RUNX2: variants seen among roughly 807,000 people sequenced by gnomAD.
RUNX2 encodes runt-related transcription factor 2.
A neutral mutation model predicts 51.7 loss-of-function variants in RUNX2; 10 were observed. That is an observed-to-expected ratio of 0.19 (90% confidence interval 0.12 to 0.33). RUNX2 has a LOEUF of 0.33. RUNX2 is among the 10% of genes least tolerant of loss of function. RUNX2 has a pLI of 1.00. For synonymous variants in RUNX2, 276 were observed against 273.6 expected (o/e 1.01, Z -0.09); for missense variants, 562 against 691.3 (o/e 0.81, Z 2.10).
chr6:45,426,693 AAC>A (rs1281841301), intron 3 of RUNX2, among the ~76,000 whole-genome samples: 6 of 152,246 alleles, frequency 3.9e-5, no homozygotes, highest in Non-Finnish European at 7.3e-5. Context: ...AAAGAAAGAA[AAC>A]ACATTTTTAG....
intron 2 of RUNX2, chr6:45,372,089 G>T: frequency 1.1e-6 from 1 of 911,962 alleles, no homozygotes. Flanking sequence ...AGTGAACTGT[G>T]TTGTGAAATA....
chr6:45,340,013 C>G (rs1302514967), intron 2 of RUNX2, among the ~76,000 whole-genome samples: 3 of 152,046 alleles, frequency 2.0e-5, no homozygotes, highest in Non-Finnish European at 2.9e-5. Context: ...GGAACTTGCT[C>G]AAGGTTACAG....
chr6:45,501,642 A>G (rs1800803736), intron 6 of RUNX2, among the ~76,000 whole-genome samples: 1 of 152,196 alleles, frequency 6.6e-6, no homozygotes, highest in South Asian at 2.1e-4. Context: ...ACTAGCTATA[A>G]ATCACTTAGA....
At chr6:45,509,836 C>G (rs902887758) in intron 6 of RUNX2, among the ~76,000 whole-genome samples, 3 of 152,160 alleles carry the variant, frequency 2.0e-5, no homozygotes, top group Non-Finnish European at 2.9e-5. Context: ...GGGCCCTAGA[C>G]GGATGACTTG....
intron 2 of RUNX2, among the ~76,000 whole-genome samples, chr6:45,389,378 A>G (rs934376003): frequency 1.3e-5 from 2 of 152,246 alleles, no homozygotes; most frequent in African/African-American, 4.8e-5. Context: ...CAGCCAACAG[A>G]TCACTGGTCT....
chr6:45,537,897 C>T (rs1802086673), intron 7 of RUNX2, among the ~76,000 whole-genome samples: 1 of 152,160 alleles, frequency 6.6e-6, no homozygotes, highest in Admixed American at 6.5e-5. Context: ...CTGGCATAAC[C>T]CAAAACAACC....
intron 8 of RUNX2, among the ~76,000 whole-genome samples, chr6:45,545,542 A>T (rs1422062203): frequency 6.6e-6 from 1 of 152,248 alleles, no homozygotes; most frequent in Non-Finnish European, 1.5e-5. Context: ...ACATCGTAAT[A>T]TCCAAGAACA....
chr6:45,502,389 T>C (rs1427515113), intron 6 of RUNX2, among the ~76,000 whole-genome samples: 1 of 152,212 alleles, frequency 6.6e-6, no homozygotes, highest in African/African-American at 2.4e-5. Flanking sequence ...TGCCTATTGT[T>C]CTTGAACTTT....
Position 45,444,807 on chromosome 6 carries a change from C to G in RUNX2, c.685+6756C>G, listed in dbSNP as rs138884880. On this transcript the variant is annotated intron_variant, in intron 5 of 8. Coordinates refer to ENST00000647337, the MANE Select transcript of RUNX2 (RefSeq NM_001024630.4). Reference sequence around the variant, plus strand: ...AGGCAAGACATCATCTCATTTTTCTCTTACGCTGTTCCACCTAGTTCTGGG... The same window carrying G: ...AGGCAAGACATCATCTCATTTTTCTGTTACGCTGTTCCACCTAGTTCTGGG... Among the ~76,000 whole-genome samples the G allele has an allele frequency of 7.7e-3, 1,179 of 152,264 alleles. 17 individuals are homozygous for G. The highest frequency in any genetic ancestry group is 0.027 in the African/African-American group (1,116 of 41,552).
intron 2 of RUNX2, among the ~76,000 whole-genome samples, chr6:45,377,151 T>C (rs1050101093): frequency 1.3e-5 from 2 of 152,192 alleles, no homozygotes; most frequent in African/African-American, 4.8e-5. Flanking sequence ...AGAGCTAATA[T>C]GTACTGAGCA....
chr6:45,371,090 T>C, intron 2 of RUNX2, among the ~76,000 whole-genome samples: 1 of 152,130 alleles, frequency 6.6e-6, no homozygotes, highest in East Asian at 1.9e-4. Context: ...ACTTTTGAGA[T>C]ATGTGGAAGA....
intron 3 of RUNX2, among the ~76,000 whole-genome samples, chr6:45,423,652 C>T (rs1798299390): frequency 6.6e-6 from 1 of 152,248 alleles, no homozygotes; most frequent in African/African-American, 2.4e-5. Flanking sequence ...TACCAGTGCC[C>T]GGGAGGGTCC....
At chr6:45,423,773 G>A (rs1455751206) in intron 3 of RUNX2, among the ~76,000 whole-genome samples, 1 of 152,142 alleles carries the variant, frequency 6.6e-6, no homozygotes, top group African/African-American at 2.4e-5. Context: ...CCGCTGGGGC[G>A]TCCGCAAGCC....
chr6:45,541,485 A>G (rs756992747), intron 7 of RUNX2, among the ~76,000 whole-genome samples: 3 of 152,204 alleles, frequency 2.0e-5, no homozygotes, highest in Non-Finnish European at 4.4e-5. Context: ...ACATGTTCCA[A>G]TAGAAAGAAC....
chr6:45,513,804 T>C (rs1043955303), intron 7 of RUNX2, among the ~76,000 whole-genome samples: 2 of 152,248 alleles, frequency 1.3e-5, no homozygotes, highest in African/African-American at 4.8e-5. Flanking sequence ...TTAGTTATCA[T>C]TTCCCTTGCC....
intron 5 of RUNX2, among the ~76,000 whole-genome samples, chr6:45,481,309 C>T (rs890464185): frequency 1.3e-5 from 2 of 152,100 alleles, no homozygotes; most frequent in African/African-American, 2.4e-5. Flanking sequence ...AACAGTGATG[C>T]TTTTTGTTCA....
intron 6 of RUNX2, among the ~76,000 whole-genome samples, chr6:45,505,800 A>C (rs1800948770): frequency 6.6e-6 from 1 of 152,190 alleles, no homozygotes; most frequent in Non-Finnish European, 1.5e-5. Flanking sequence ...AAGCTGAAGG[A>C]ACACCACCCT....
chr6:45,535,598 T>C (rs2150443127), intron 7 of RUNX2, among the ~76,000 whole-genome samples: 1 of 127,384 alleles, frequency 7.9e-6, no homozygotes, highest in Admixed American at 7.7e-5. Flanking sequence ...AGTGAGACTC[T>C]GTCTCAAAAA....
chr6:45,445,576 C>A (rs1326739010), intron 5 of RUNX2, among the ~76,000 whole-genome samples: 2 of 152,168 alleles, frequency 1.3e-5, no homozygotes, highest in Non-Finnish European at 2.9e-5. Context: ...AAGCCCTTAA[C>A]TTCCTGACTT....
Sources: allele counts gnomAD v4.1 joint callset (sites outside exome capture counted in the v4.1 genomes callset), GRCh38; gene constraint gnomAD v4.1.1; transcripts MANE v1.5; gene names NCBI Gene and HGNC (gene_info 2026-07-23, HGNC 2026-07-21).